TTC29: variants seen among roughly 807,000 people sequenced by gnomAD.
The protein encoded by TTC29 is tetratricopeptide repeat protein 29.
Under a neutral mutation model 58.1 loss-of-function variants are expected in TTC29, and 49 were observed. The ratio of observed to expected loss-of-function variants is 0.84; its 90% CI spans 0.67 to 1.07. TTC29 has a LOEUF of 1.07. Among genes scored for constraint, TTC29 ranks in the 50% least tolerant of loss-of-function variants. The probability of loss-of-function intolerance (pLI) is 0.00; values close to 1 mark genes in which losing one functional copy is unlikely to be tolerated. For synonymous variants in TTC29, 209 were observed against 196.8 expected (o/e 1.06, Z -0.52); for missense variants, 582 against 555.6 (o/e 1.05, Z -0.48).
intron 4 of TTC29, among the ~76,000 whole-genome samples, chr4:146,913,887 A>G (rs970779816): frequency 6.6e-6 from 1 of 152,180 alleles, no homozygotes; most frequent in African/African-American, 2.4e-5. Flanking sequence ...ACTGATATCA[A>G]TTTTTAAAAT....
chr4:146,738,887 G>T (rs1329707399), intron 11 of TTC29, among the ~76,000 whole-genome samples: 1 of 152,148 alleles, frequency 6.6e-6, no homozygotes, highest in Non-Finnish European at 1.5e-5. Context: ...GGTTCCTGGT[G>T]GGTGGCACCC....
At chr4:146,768,014 C>T (rs1286847576) in intron 11 of TTC29, among the ~76,000 whole-genome samples, 2 of 152,020 alleles carry the variant, frequency 1.3e-5, no homozygotes, top group Non-Finnish European at 2.9e-5. Flanking sequence ...ATTATAGCTG[C>T]AATTCCTACA....
At position 146,937,687 on chromosome 4, in the gene TTC29, A is replaced by T. The variant is rs1331878370; in HGVS notation, c.93-10T>A. On this transcript the variant is annotated splice_polypyrimidine_tract_variant and intron_variant, in intron 3 of 12. Transcript: ENST00000325106. ...TTTGATCAATTGAGACCTAAATGAA[A>T]TAGAAAGAAATAATAAAGCACAGCC... is the stretch of plus-strand genomic sequence containing the variant. The T allele has an allele frequency of 1.4e-6, 2 of 1,418,454 alleles. No homozygotes were observed. The highest frequency in any genetic ancestry group is 1.5e-5 in the African/African-American group (1 of 68,798). The allele number at this position is 1,418,454 out of a possible 1,614,324, so 87.9% of individuals were successfully genotyped here. A position where few individuals can be genotyped will look rare whatever the true frequency, so the allele number is the denominator to read the frequency against.
rs1561066651 is a variant in TTC29 at position 146,728,836 on chromosome 4, C to CATATATATGTGTATATAT, written c.1331-21286_1331-21285insATATATACACATATATAT. On this transcript the variant is annotated intron_variant, in intron 11 of 12. Coordinates refer to ENST00000325106, the MANE Select transcript of TTC29 (RefSeq NM_031956.4). ...ATATGTGTATATATACATATATATA[C>CATATATATGTGTATATAT]ACATATATATGTATATATATACACA... is the stretch of plus-strand genomic sequence containing the variant. Among the ~76,000 whole-genome samples the CATATATATGTGTATATAT allele has an allele frequency of 7.6e-3, 750 of 98,746 alleles. 93 individuals are homozygous for CATATATATGTGTATATAT. Among genetic ancestry groups the CATATATATGTGTATATAT allele is most frequent in the Middle Eastern group, 0.016 (3 of 190 alleles). The allele number at this position is 98,746 out of a possible 152,430, so 64.8% of individuals were successfully genotyped here. A position where few individuals can be genotyped will look rare whatever the true frequency, so the allele number is the denominator to read the frequency against.
intron 4 of TTC29, among the ~76,000 whole-genome samples, chr4:146,913,399 G>T (rs949122735): frequency 6.6e-6 from 1 of 151,992 alleles, no homozygotes; most frequent in Non-Finnish European, 1.5e-5. Flanking sequence ...GCTGGATTTG[G>T]TCCACCCAGC....
chr4:146,839,155 A>G (rs78012635), intron 8 of TTC29, among the ~76,000 whole-genome samples: 9,880 of 152,042 alleles, frequency 0.065, 420 homozygotes, highest in Admixed American at 0.13. Flanking sequence ...TGATCGCATA[A>G]TATCACAATC....
chr4:146,853,038 C>T lies in TTC29; in HGVS notation c.885+14460G>A, dbSNP rs186814174. On this transcript the variant is annotated intron_variant, in intron 8 of 12. Coordinates refer to ENST00000325106, the MANE Select transcript of TTC29 (RefSeq NM_031956.4). The stretch of plus-strand genomic sequence containing the variant: ...CTAACCTGCTACAATCAATCCTATA[C>T]TAAAGATTTTTACCATGAACAACCT... 8.0e-4 allele frequency among the ~76,000 whole-genome samples: 121 copies of T among 152,100 alleles called. 1 individual carries two copies. Among genetic ancestry groups the T allele is most frequent in the African/African-American group, 2.8e-3 (115 of 41,510 alleles).
intron 4 of TTC29, among the ~76,000 whole-genome samples, chr4:146,931,060 T>C (rs1246057936): frequency 6.6e-6 from 1 of 152,048 alleles, no homozygotes; most frequent in East Asian, 1.9e-4. Context: ...TTAAAAAAAC[T>C]GGCTGGGCAT....
chr4:146,852,850 G>A (rs950646573), intron 8 of TTC29, among the ~76,000 whole-genome samples: 11 of 152,072 alleles, frequency 7.2e-5, no homozygotes, highest in South Asian at 2.1e-4. Flanking sequence ...TCAGGATTTC[G>A]GAATCTATAC....
chr4:146,924,396 T>G (rs1454297846), intron 4 of TTC29, among the ~76,000 whole-genome samples: 1 of 151,882 alleles, frequency 6.6e-6, no homozygotes, highest in Non-Finnish European at 1.5e-5. Flanking sequence ...GGAATTTTCT[T>G]TGTAGGAAGT....
chr4:146,858,597 T>C (rs906070142), intron 8 of TTC29, among the ~76,000 whole-genome samples: 2 of 152,216 alleles, frequency 1.3e-5, no homozygotes, highest in Admixed American at 6.5e-5. Flanking sequence ...ATTTCATAGA[T>C]GTATGATCAT....
intron 8 of TTC29, among the ~76,000 whole-genome samples, chr4:146,854,005 GA>G (rs1206039530): frequency 6.6e-6 from 1 of 152,006 alleles, no homozygotes; most frequent in East Asian, 1.9e-4. Context: ...TGAATGGTGG[GA>G]ACTGGTGGAT....
intron 9 of TTC29, among the ~76,000 whole-genome samples, chr4:146,828,487 A>G (rs1373176923): frequency 6.6e-6 from 1 of 152,034 alleles, no homozygotes; most frequent in Non-Finnish European, 1.5e-5. Context: ...GAAAATTATT[A>G]TTATTAATTA....
intron 6 of TTC29, among the ~76,000 whole-genome samples, chr4:146,888,638 C>A (rs1472369649): frequency 6.6e-6 from 1 of 152,132 alleles, no homozygotes; most frequent in Non-Finnish European, 1.5e-5. Context: ...ATCTGAAGGA[C>A]TAGAATTTTT....
At chr4:146,940,610 C>T (rs1736291514) in intron 2 of TTC29, among the ~76,000 whole-genome samples, 1 of 152,172 alleles carries the variant, frequency 6.6e-6, no homozygotes, top group Non-Finnish European at 1.5e-5. Context: ...AACCCAATGA[C>T]AGGGGACAGG....
At chr4:146,892,334 C>T (rs555656999) in intron 6 of TTC29, among the ~76,000 whole-genome samples, 42 of 152,234 alleles carry the variant, frequency 2.8e-4, no homozygotes, top group Non-Finnish European at 5.4e-4. Flanking sequence ...AATTGAACCT[C>T]TTTTCTTTAT....
At chr4:146,859,042 C>T (rs910151362) in intron 8 of TTC29, among the ~76,000 whole-genome samples, 16 of 152,124 alleles carry the variant, frequency 1.1e-4, no homozygotes, top group African/African-American at 3.9e-4. Flanking sequence ...CACCTATATG[C>T]ATTCCAGGAA....
intron 3 of TTC29, among the ~76,000 whole-genome samples, chr4:146,939,320 T>G (rs894555660): frequency 6.6e-6 from 1 of 152,270 alleles, no homozygotes; most frequent in South Asian, 2.1e-4. Flanking sequence ...CTGGGCATAG[T>G]GCTGCGTGCC....
At chr4:146,943,740 T>C (rs80166485) in intron 2 of TTC29, among the ~76,000 whole-genome samples, 3,955 of 152,326 alleles carry the variant, frequency 0.026, 67 homozygotes, top group Non-Finnish European at 0.04. Context: ...TTGCCATCTT[T>C]TATGCCTTAC....
Sources: gnomAD v4.1 joint callset for allele counts (sites outside exome capture counted in the v4.1 genomes callset) on GRCh38, gnomAD v4.1.1 for gene constraint, MANE v1.5 for transcripts, NCBI Gene and HGNC (gene_info 2026-07-23, HGNC 2026-07-21) for gene names.